CDK5RAP2: variants seen among roughly 807,000 people sequenced by gnomAD.
CDK5RAP2 encodes CDK5 regulatory subunit-associated protein 2.
A neutral mutation model predicts 232.9 loss-of-function variants in CDK5RAP2; 147 were observed. The observed-to-expected ratio is 0.63, with a 90% CI of 0.55 to 0.72. The LOEUF (loss-of-function observed/expected upper bound fraction) is 0.72. CDK5RAP2 is among the 30% of genes least tolerant of loss of function. CDK5RAP2 has a pLI of 0.00. For missense variants in CDK5RAP2, 2,195 were observed against 2,231.5 expected, an observed-to-expected ratio of 0.98 and a Z score of 0.33; for synonymous variants, 833 against 833.7, an observed-to-expected ratio of 1.00 and a Z score of 0.01.
intron 14 of CDK5RAP2, among the ~76,000 whole-genome samples, chr9:120,480,183 G>C (rs1490719701): frequency 6.6e-6 from 1 of 152,198 alleles, no homozygotes; most frequent in African/African-American, 2.4e-5. Flanking sequence ...AATTGGGGCT[G>C]CAAACAGCCT....
chr9:120,570,926 C>G (rs568184639), intron 2 of CDK5RAP2, among the ~76,000 whole-genome samples: 1 of 152,302 alleles, frequency 6.6e-6, no homozygotes, highest in South Asian at 2.1e-4. Context: ...CTTCGGGAAG[C>G]TGAGGCAGGT....
At chr9:120,424,584 C>T (rs2034769277) in intron 25 of CDK5RAP2, among the ~76,000 whole-genome samples, 1 of 152,164 alleles carries the variant, frequency 6.6e-6, no homozygotes, top group Non-Finnish European at 1.5e-5. Flanking sequence ...ACTAACCCTG[C>T]AGACCCTGAG....
intron 11 of CDK5RAP2, 89 bp from the exon 12 acceptor site, chr9:120,518,734 G>A (rs1564329337): frequency 2.1e-6 from 2 of 964,104 alleles, no homozygotes. Flanking sequence ...CGCCGTGGGG[G>A]AAAAAAAGAA....
intron 36 of CDK5RAP2, 90 bp downstream of exon 36, chr9:120,394,422 G>A (rs1215362911): frequency 1.2e-6 from 2 of 1,601,924 alleles, no homozygotes; most frequent in African/African-American, 2.7e-5. Flanking sequence ...CAAACCATCT[G>A]GGCTCCAAAG....
intron 4 of CDK5RAP2, among the ~76,000 whole-genome samples, chr9:120,549,171 A>G (rs13290554): frequency 0.84 from 126,746 of 150,434 alleles, 54,498 homozygotes; most frequent in Non-Finnish European, 0.93. Context: ...AAAAAAAAAA[A>G]AGAGACAGAA....
chr9:120,460,647 G>A lies in CDK5RAP2; in HGVS notation c.2127C>T (p.Asp709=), dbSNP rs902152960. 7 of 1,613,912 alleles carry A rather than the reference G, an allele frequency of 4.3e-6. No homozygotes were observed. Among genetic ancestry groups the A allele is most frequent in the East Asian group, 2.2e-5 (1 of 44,870 alleles). The change falls in exon 19 of 38, where the codon GAC becomes GAT. Residue 709 remains aspartate, a synonymous_variant. Coordinates refer to ENST00000349780, the MANE Select transcript of CDK5RAP2 (RefSeq NM_018249.6). The part of the protein sequence containing the change: ...EQTELLASKE[D]EDTIKIGEDD... Reference sequence around the variant, plus strand: ...CCTCCCCAATTTTGATCGTGTCCTCGTCCTCCTTGCTAGCCAGAAGCTACA... The same window carrying A: ...CCTCCCCAATTTTGATCGTGTCCTCATCCTCCTTGCTAGCCAGAAGCTACA...
intron 11 of CDK5RAP2, among the ~76,000 whole-genome samples, chr9:120,523,890 T>C (rs2040780860): frequency 6.6e-6 from 1 of 152,122 alleles, no homozygotes; most frequent in Non-Finnish European, 1.5e-5. Flanking sequence ...TCAGGAGTCC[T>C]TGTAGTACAA....
At chr9:120,485,293 CTTTTTTTTT>C (rs111411839) in intron 14 of CDK5RAP2, among the ~76,000 whole-genome samples, 1 of 132,350 alleles carries the variant, frequency 7.6e-6, no homozygotes, top group Admixed American at 7.6e-5. Context: ...CATTTAGATA[CTTTTTTTTT>C]TTTTTTTTTT....
Position 120,420,075 on chromosome 9 carries a change from A to G in CDK5RAP2, c.4005-115T>C, listed in dbSNP as rs112558293. On this transcript the variant is annotated intron_variant, in intron 26 of 37. Coordinates refer to ENST00000349780, the MANE Select transcript of CDK5RAP2 (RefSeq NM_018249.6). ...TCTTAGTAACTCCCCAATGTTTGCA[A>G]CTTCAGTCAGACCTTTTATTTCCCT... 3.8e-5 allele frequency: 31 copies of G among 817,640 alleles called. 1 individual carries two copies. Among genetic ancestry groups the G allele is most frequent in the African/African-American group, 2.9e-4 (17 of 59,246 alleles). 50.6% of individuals were successfully genotyped at this position (817,640 alleles called of 1,614,324 possible).
intron 5 of CDK5RAP2, among the ~76,000 whole-genome samples, chr9:120,541,306 C>A (rs760222198): frequency 1.3e-5 from 2 of 152,200 alleles, no homozygotes; most frequent in African/African-American, 4.8e-5. Flanking sequence ...GTCTAAATCA[C>A]ATACATTGTC....
chr9:120,514,608 G>A (rs2040243203), intron 12 of CDK5RAP2, among the ~76,000 whole-genome samples: 1 of 152,214 alleles, frequency 6.6e-6, no homozygotes, highest in Non-Finnish European at 1.5e-5. Flanking sequence ...AGCTCTCAGA[G>A]AGAGAGTCTG....
In CDK5RAP2 at chr9:120,568,348, T is replaced by C; in HGVS notation, c.168A>G (p.Arg56=). 6.2e-7 allele frequency: 1 copy of C among 1,613,942 alleles called. No individual in the cohort carries two copies. The highest frequency in any genetic ancestry group is 8.5e-7 in the Non-Finnish European group (1 of 1,179,780). The part of the protein sequence containing the change: ...NVSEETVSPT[R]ARNMKDFENQ... The stretch of plus-strand genomic sequence containing the variant: ...TTTCAAAGTCCTTCATGTTCCGTGC[T>C]CTGGTGGGAGACACTGTTTCTTCTG... The change falls in exon 3 of 38, where the codon AGA becomes AGG. Residue 56 remains arginine, a synonymous_variant. Transcript: ENST00000349780.
In CDK5RAP2 at chr9:120,491,422, G is replaced by A. The variant is rs1564291631; in HGVS notation, c.1367C>T (p.Ala456Val). 5.0e-6 allele frequency: 8 copies of A among 1,611,744 alleles called. No individual in the cohort carries two copies. Among genetic ancestry groups the A allele is most frequent in the South Asian group, 1.1e-5 (1 of 90,984 alleles). ...AAGACTCTTGTAACGATTTTCCATTGCTTTCTCTCTTTCATTCACTTCATT... is the reference window on the plus strand; with the variant it reads ...AAGACTCTTGTAACGATTTTCCATTACTTTCTCTCTTTCATTCACTTCATT... ...LRNEVNEREK[A>V]MENRYKSLLS... Residue 456 changes from alanine to valine, a missense_variant, in exon 13 of 38, where the codon GCA becomes GTA. Physicochemically the swap from Ala to Val is moderately conservative, Grantham distance 64. Coordinates refer to ENST00000349780, the MANE Select transcript of CDK5RAP2 (RefSeq NM_018249.6).
intron 11 of CDK5RAP2, among the ~76,000 whole-genome samples, chr9:120,524,054 CA>C (rs2040791369): frequency 1.3e-5 from 2 of 152,122 alleles, no homozygotes; most frequent in South Asian, 2.1e-4. Context: ...GCTCTGGAGT[CA>C]AATCTTAGCT....
chr9:120,389,657 C>G, intron 37 of CDK5RAP2, 84 bp downstream of exon 37: 1 of 1,324,106 alleles, frequency 7.6e-7, no homozygotes, highest in South Asian at 1.2e-5. Context: ...CCACCTGCAC[C>G]TTCATTTTTC....
chr9:120,442,348 C>T (rs987304207), intron 23 of CDK5RAP2, among the ~76,000 whole-genome samples: 19 of 152,184 alleles, frequency 1.2e-4, no homozygotes, highest in African/African-American at 4.3e-4. Context: ...GTTCTTAACC[C>T]TCAATGTGAA....
At chr9:120,395,603 C>T (rs1000984697) in intron 35 of CDK5RAP2, among the ~76,000 whole-genome samples, 31 of 152,364 alleles carry the variant, frequency 2.0e-4, no homozygotes, top group Admixed American at 9.8e-4. Context: ...CTCTCTGCTG[C>T]GCCGAAACAC....
rs1554775540 is a variant in CDK5RAP2, at chr9:120,533,797, T to TTA, written c.662+2574_662+2575insTA. ...TGGAGGACAGAGTTAAGACTCCATC[T>TTA]AAAAAAAAAAAAAAAAAAAAAAAAA... On this transcript the variant is annotated intron_variant, in intron 7 of 37. Coordinates refer to ENST00000349780, the MANE Select transcript of CDK5RAP2 (RefSeq NM_018249.6). Among the ~76,000 whole-genome samples the TTA allele has an allele frequency of 4.3e-3, 227 of 52,734 alleles. 10 individuals are homozygous for TTA. The highest frequency in any genetic ancestry group is 0.035 in the East Asian group (42 of 1,214). The allele number at this position is 52,734 out of a possible 152,430, so 34.6% of individuals were successfully genotyped here.
chr9:120,460,794 AAAC>A lies in CDK5RAP2; in HGVS notation c.2107-130_2107-128del, dbSNP rs1218552448. ...CAAAAAGCAAACAAAAAAGAGGAAG[AAAC>A]AAATGCCAAAGCCATGAAATAAAAA... On this transcript the variant is annotated intron_variant, in intron 18 of 37. Transcript: ENST00000349780. The A allele has an allele frequency of 4.1e-6, 6 of 1,469,802 alleles. No homozygotes were observed. The East Asian group carries it at 9.8e-5, about 24-fold the overall frequency. The allele number at this position is 1,469,802 out of a possible 1,614,324, so 91.0% of individuals were successfully genotyped here.
Sources: allele counts gnomAD v4.1 joint callset (sites outside exome capture counted in the v4.1 genomes callset), GRCh38; gene constraint gnomAD v4.1.1; transcripts MANE v1.5; gene names NCBI Gene and HGNC (gene_info 2026-07-23, HGNC 2026-07-21).